Variants in TMEM163 observed in about 807,000 individuals in gnomAD.
The protein encoded by TMEM163 is transmembrane protein 163.
TMEM163 carries 17 observed loss-of-function variants against 29.3 expected under a neutral mutation model. That is an observed-to-expected ratio of 0.58 (90% CI 0.40 to 0.87). TMEM163 has a LOEUF of 0.87. TMEM163 is among the 40% of genes least tolerant of loss of function. The probability of loss-of-function intolerance (pLI) is 0.00; values close to 1 mark genes in which losing one functional copy is unlikely to be tolerated. For missense variants in TMEM163, 303 were observed against 381.5 expected (o/e 0.79, Z 1.71); for synonymous variants, 157 against 160.6 (o/e 0.98, Z 0.17).
At chr2:134,588,860 C>T (rs555292413) in intron 2 of TMEM163, among the ~76,000 whole-genome samples, 7 of 152,030 alleles carry the variant, frequency 4.6e-5, no homozygotes, top group Admixed American at 2.0e-4. Context: ...GGGGAAGAGG[C>T]CATTCGGTGG....
At chr2:134,536,231 AT>A (rs34515003) in intron 4 of TMEM163, among the ~76,000 whole-genome samples, 94,842 of 151,648 alleles carry the variant, frequency 0.63, 30,500 homozygotes, top group East Asian at 0.84. Context: ...CTAAAACACC[AT>A]TTTTTTTGCC....
At chr2:134,696,702 C>T (rs1684589042) in intron 2 of TMEM163, among the ~76,000 whole-genome samples, 1 of 152,056 alleles carries the variant, frequency 6.6e-6, no homozygotes. Flanking sequence ...TATAAGAATA[C>T]ATTTGATTTT....
At position 134,572,230 on chromosome 2, in the gene TMEM163, G is replaced by A. The variant is rs145312530; in HGVS notation, c.323-20139C>T. Among the ~76,000 whole-genome samples the A allele has an allele frequency of 2.4e-3, 368 of 152,244 alleles. 4 individuals carry two copies. Among genetic ancestry groups the A allele is most frequent in the African/African-American group, 6.7e-3 (277 of 41,534 alleles). On this transcript the variant is annotated intron_variant, in intron 2 of 7. Coordinates refer to ENST00000281924, the MANE Select transcript of TMEM163 (RefSeq NM_030923.5). Reference sequence around the variant, plus strand: ...TCCAGGATTGCAGAGAGAAGATGTCGTCAGCCACACCCCCAACATCTTCCA... The same window carrying A: ...TCCAGGATTGCAGAGAGAAGATGTCATCAGCCACACCCCCAACATCTTCCA...
chr2:134,616,517 C>T (rs1278460598), intron 2 of TMEM163, among the ~76,000 whole-genome samples: 1 of 152,176 alleles, frequency 6.6e-6, no homozygotes, highest in Non-Finnish European at 1.5e-5. Flanking sequence ...ATTTCCAAAA[C>T]CCCCAGTTCT....
chr2:134,542,954 TTCTTA>T (rs1467522957), intron 4 of TMEM163, among the ~76,000 whole-genome samples: 4 of 152,198 alleles, frequency 2.6e-5, no homozygotes, highest in African/African-American at 9.7e-5. Context: ...CTGCTTTCTC[TTCTTA>T]TAAGGACACT....
intron 2 of TMEM163, among the ~76,000 whole-genome samples, chr2:134,556,110 G>A (rs1681043946): frequency 1.3e-5 from 2 of 152,198 alleles, no homozygotes; most frequent in Admixed American, 1.3e-4. Flanking sequence ...TAAGTGGGAG[G>A]AGACTGCCTG....
At chr2:134,458,373 A>AC in intron 6 of TMEM163, 200 bp from the exon 7 acceptor site, 2 of 594,294 alleles carry the variant, frequency 3.4e-6, no homozygotes, top group South Asian at 4.2e-5. Flanking sequence ...TAGAGCCGTC[A>AC]CCCCCACCAT....
At position 134,505,540 on chromosome 2, in the gene TMEM163, T is replaced by C. The variant is rs916519690; in HGVS notation, c.459-2543A>G. 3.3e-5 allele frequency among the ~76,000 whole-genome samples: 5 copies of C among 152,112 alleles called. No individual in the cohort carries two copies. The South Asian group carries it at 6.2e-4, about 19-fold the overall frequency. ...CTAATAGGCCTTGTAGTGCATTTGT[T>C]TGTCAACCAGCTTTCACTCCCTGAA... On this transcript the variant is annotated intron_variant, in intron 4 of 7. Transcript: ENST00000281924.
At chr2:134,487,695 T>A (rs2106481372) in intron 5 of TMEM163, among the ~76,000 whole-genome samples, 1 of 152,214 alleles carries the variant, frequency 6.6e-6, no homozygotes, top group East Asian at 1.9e-4. Context: ...GACCCACGCA[T>A]CCACAGAATG....
chr2:134,708,359 A>G (rs925630592), intron 2 of TMEM163, among the ~76,000 whole-genome samples: 5 of 152,176 alleles, frequency 3.3e-5, no homozygotes, highest in African/African-American at 1.2e-4. Context: ...GTGCAATTTC[A>G]TTTTATCCAT....
Position 134,503,058 on chromosome 2 carries a change from C to T in TMEM163, c.459-61G>A, listed in dbSNP as rs992695032. The stretch of plus-strand genomic sequence containing the variant: ...AGAACTCACACTGCTGAAGAGTCCA[C>T]ACAATTGACAGTGACAAAGACACAA... On this transcript the variant is annotated intron_variant, in intron 4 of 7. Coordinates refer to ENST00000281924, the MANE Select transcript of TMEM163 (RefSeq NM_030923.5). The T allele has an allele frequency of 1.4e-5, 20 of 1,459,980 alleles. No homozygotes were observed. The South Asian group carries it at 2.2e-4, about 16-fold the overall frequency. The allele number at this position is 1,459,980 out of a possible 1,614,324, so 90.4% of individuals were successfully genotyped here.
chr2:134,490,220 G>A lies in TMEM163; in HGVS notation c.555+12681C>T, dbSNP rs148226040. 4.7e-3 allele frequency among the ~76,000 whole-genome samples: 716 copies of A among 152,262 alleles called. 3 individuals are homozygous for A. Among genetic ancestry groups the A allele is most frequent in the African/African-American group, 0.016 (685 of 41,542 alleles). On this transcript the variant is annotated intron_variant, in intron 5 of 7. Transcript: ENST00000281924. ...TGTTTGGGGCATTCAAAATGGGGTCGGGGGCAGGGTTAGCTAAACTCGATG... is the reference window on the plus strand; with the variant it reads ...TGTTTGGGGCATTCAAAATGGGGTCAGGGGCAGGGTTAGCTAAACTCGATG...
chr2:134,629,703 C>G (rs906616651), intron 2 of TMEM163, among the ~76,000 whole-genome samples: 17 of 152,224 alleles, frequency 1.1e-4, no homozygotes, highest in Non-Finnish European at 1.8e-4. Flanking sequence ...CACTATCACT[C>G]TATCAAGTTT....
intron 2 of TMEM163, among the ~76,000 whole-genome samples, chr2:134,625,378 CT>C (rs141041277): frequency 0.043 from 6,512 of 152,214 alleles, 473 homozygotes; most frequent in African/African-American, 0.15. Flanking sequence ...AGCCACTGGC[CT>C]TTTTTCTGCC....
chr2:134,677,145 C>T (rs1039200638), intron 2 of TMEM163, among the ~76,000 whole-genome samples: 12 of 152,216 alleles, frequency 7.9e-5, no homozygotes, highest in Admixed American at 6.5e-4. Flanking sequence ...GCTCTTCTCG[C>T]TTCCTTCCGC....
rs147369916 is a variant in TMEM163 at position 134,556,409 on chromosome 2, G to A, written c.323-4318C>T. The stretch of plus-strand genomic sequence containing the variant: ...TACAAAAGGTTCATAATAGGTTCAT[G>A]TGATTTATAACAGCAAAACATTAGA... On this transcript the variant is annotated intron_variant, in intron 2 of 7. Coordinates refer to ENST00000281924, the MANE Select transcript of TMEM163 (RefSeq NM_030923.5). 2.3e-3 allele frequency among the ~76,000 whole-genome samples: 344 copies of A among 152,328 alleles called. 3 individuals carry two copies. The highest frequency in any genetic ancestry group is 7.8e-3 in the African/African-American group (323 of 41,558).
intron 4 of TMEM163, among the ~76,000 whole-genome samples, chr2:134,540,098 G>A (rs1680631235): frequency 6.6e-6 from 1 of 152,180 alleles, no homozygotes; most frequent in Admixed American, 6.5e-5. Context: ...GGTGAAACAG[G>A]GGCCCCATCC....
At chr2:134,688,349 C>T (rs903382553) in intron 2 of TMEM163, among the ~76,000 whole-genome samples, 2 of 151,688 alleles carry the variant, frequency 1.3e-5, no homozygotes, top group African/African-American at 2.4e-5. Context: ...AGGTCGGCTG[C>T]CAGAAAACAA....
At chr2:134,479,664 G>A (rs1023441223) in intron 5 of TMEM163, among the ~76,000 whole-genome samples, 1 of 152,128 alleles carries the variant, frequency 6.6e-6, no homozygotes, top group African/African-American at 2.4e-5. Flanking sequence ...AGGGCTTAGG[G>A]GGCACCTAAT....
Sources: gnomAD v4.1 joint callset for allele counts (sites outside exome capture counted in the v4.1 genomes callset) on GRCh38, gnomAD v4.1.1 for gene constraint, MANE v1.5 for transcripts, NCBI Gene and HGNC (gene_info 2026-07-23, HGNC 2026-07-21) for gene names.